PTPRG: variants seen among roughly 807,000 people sequenced by gnomAD.
PTPRG encodes the protein receptor-type tyrosine-protein phosphatase gamma.
A neutral mutation model predicts 165.3 loss-of-function variants in PTPRG; 102 were observed. The observed-to-expected ratio is 0.62, with a 90% CI of 0.53 to 0.73. The LOEUF is 0.73. Among genes scored for constraint, PTPRG ranks in the 30% least tolerant of loss-of-function variants. PTPRG has a pLI of 0.00. For synonymous variants in PTPRG, 675 were observed against 669.5 expected, an observed-to-expected ratio of 1.01 and a Z score of -0.13; for missense variants, 1,866 against 1,861.4, an observed-to-expected ratio of 1.00 and a Z score of -0.05.
chr3:61,938,325 A>G (rs1370366305), intron 2 of PTPRG, among the ~76,000 whole-genome samples: 2 of 151,768 alleles, frequency 1.3e-5, no homozygotes, highest in Non-Finnish European at 2.9e-5. Context: ...ATGACCATAA[A>G]CTTTGAAAAT....
chr3:61,767,541 G>C (rs2034065123), intron 2 of PTPRG, among the ~76,000 whole-genome samples: 1 of 152,128 alleles, frequency 6.6e-6, no homozygotes, highest in Admixed American at 6.5e-5. Context: ...TTAATTGGTT[G>C]GCATTTAGAT....
chr3:61,919,398 C>A (rs1220160521), intron 2 of PTPRG, among the ~76,000 whole-genome samples: 4 of 152,178 alleles, frequency 2.6e-5, no homozygotes, highest in Non-Finnish European at 4.4e-5. Flanking sequence ...GAAAGCAAAT[C>A]AAAATGCAGA....
At chr3:61,752,802 G>GAAAAAAAAAA (rs532651498) in intron 2 of PTPRG, among the ~76,000 whole-genome samples, 8 of 103,708 alleles carry the variant, frequency 7.7e-5, no homozygotes, top group African/African-American at 1.1e-4. Context: ...AAAAAAAAAA[G>GAAAAAAAAAA]AAAAAAAAAA....
intron 4 of PTPRG, among the ~76,000 whole-genome samples, chr3:62,036,605 G>A (rs770693573): frequency 4.6e-5 from 7 of 152,146 alleles, no homozygotes; most frequent in Non-Finnish European, 1.0e-4. Context: ...TTGGTGTTTA[G>A]TATGATTCAC....
intron 4 of PTPRG, among the ~76,000 whole-genome samples, chr3:62,024,431 T>C (rs557426453): frequency 3.3e-5 from 5 of 152,328 alleles, no homozygotes; most frequent in Admixed American, 2.0e-4. Context: ...GAGCATACAC[T>C]TTTTAATGCC....
intron 1 of PTPRG, among the ~76,000 whole-genome samples, chr3:61,622,633 A>G (rs1255097760): frequency 6.6e-6 from 1 of 152,210 alleles, no homozygotes; most frequent in Non-Finnish European, 1.5e-5. Flanking sequence ...TCTCTGATTT[A>G]TTATACAAAT....
chr3:61,800,819 C>T (rs964742523), intron 2 of PTPRG, among the ~76,000 whole-genome samples: 3 of 151,714 alleles, frequency 2.0e-5, no homozygotes, highest in South Asian at 2.1e-4. Flanking sequence ...AATTTTTGTA[C>T]TTTTAGTAGA....
At chr3:61,750,787 T>C (rs909179789) in intron 2 of PTPRG, 1 of 152,248 alleles carries the variant, frequency 6.6e-6, no homozygotes, top group African/African-American at 2.4e-5. Flanking sequence ...TCAGGAAATA[T>C]TCTTCTTTTG....
intron 14 of PTPRG, among the ~76,000 whole-genome samples, chr3:62,234,260 G>A (rs915832447): frequency 6.2e-4 from 95 of 152,128 alleles, no homozygotes; most frequent in African/African-American, 2.0e-3. Context: ...ATTGTTCTCC[G>A]TCTTTTGTTA....
chr3:61,997,252 C>T (rs776980953), intron 3 of PTPRG, among the ~76,000 whole-genome samples: 1 of 152,182 alleles, frequency 6.6e-6, no homozygotes, highest in African/African-American at 2.4e-5. Flanking sequence ...GCTTTCCTCC[C>T]AGGCCTTCTC....
At chr3:61,931,735 C>CAAAACA (rs951864467) in intron 2 of PTPRG, among the ~76,000 whole-genome samples, 18 of 152,242 alleles carry the variant, frequency 1.2e-4, no homozygotes, top group African/African-American at 3.4e-4. Flanking sequence ...CCATTCCCCT[C>CAAAACA]AAAACAAAAA....
At chr3:61,695,592 G>C (rs1250655678) in intron 1 of PTPRG, among the ~76,000 whole-genome samples, 1 of 152,128 alleles carries the variant, frequency 6.6e-6, no homozygotes, top group East Asian at 1.9e-4. Context: ...GGCATTTTAG[G>C]AATTAATTCG....
chr3:61,655,385 G>A (rs1362005591), intron 1 of PTPRG, among the ~76,000 whole-genome samples: 1 of 152,012 alleles, frequency 6.6e-6, no homozygotes, highest in African/African-American at 2.4e-5. Flanking sequence ...AGATCTTCAG[G>A]GATTGTTATC....
chr3:62,087,764 T>G (rs1391745828), intron 5 of PTPRG, among the ~76,000 whole-genome samples: 1 of 152,186 alleles, frequency 6.6e-6, no homozygotes, highest in African/African-American at 2.4e-5. Flanking sequence ...AAGTATATAT[T>G]ATTGGTCCCA....
At position 62,126,829 on chromosome 3, in the gene PTPRG, A is replaced by G. The variant is rs538226707; in HGVS notation, c.616-5773A>G. ...TCATCACTCTCAATTGTGTCTCTGT[A>G]TTCCTCTCCGACTTATTTCATGGCA... On this transcript the variant is annotated intron_variant, in intron 5 of 29. Coordinates refer to ENST00000474889, the MANE Select transcript of PTPRG (RefSeq NM_002841.4). Among the ~76,000 whole-genome samples the G allele has an allele frequency of 9.2e-5, 14 of 152,300 alleles. 1 individual carries two copies. The South Asian group carries it at 2.5e-3, about 27-fold the overall frequency.
chr3:61,615,660 A>G (rs1701279174), intron 1 of PTPRG, among the ~76,000 whole-genome samples: 1 of 152,142 alleles, frequency 6.6e-6, no homozygotes, highest in South Asian at 2.1e-4. Context: ...TAATCCATAA[A>G]TCCTCATCAG....
At chr3:62,020,084 A>G (rs1171637431) in intron 4 of PTPRG, among the ~76,000 whole-genome samples, 1 of 152,118 alleles carries the variant, frequency 6.6e-6, no homozygotes, top group Admixed American at 6.5e-5. Context: ...TCATAGAGTG[A>G]TCTGTTGTCA....
intron 5 of PTPRG, among the ~76,000 whole-genome samples, chr3:62,110,089 C>CTTTTTTT (rs371457716): frequency 4.6e-4 from 37 of 79,980 alleles, no homozygotes; most frequent in East Asian, 8.2e-4. Context: ...GAAATAATGG[C>CTTTTTTT]TTTTTTTTTT....
intron 6 of PTPRG, among the ~76,000 whole-genome samples, chr3:62,134,470 C>T (rs1175398632): frequency 1.3e-5 from 2 of 152,154 alleles, no homozygotes; most frequent in East Asian, 1.9e-4. Context: ...TGTGCATTTG[C>T]TGTTTCCTCT....
Sources: allele counts gnomAD v4.1 joint callset (sites outside exome capture counted in the v4.1 genomes callset), GRCh38; gene constraint gnomAD v4.1.1; transcripts MANE v1.5; gene names NCBI Gene and HGNC (gene_info 2026-07-23, HGNC 2026-07-21).